Variants in CLIP2 observed in about 807,000 individuals in gnomAD.
CLIP2 encodes CAP-Gly domain-containing linker protein 2.
CLIP2 carries 41 observed loss-of-function variants against 111.7 expected under a neutral mutation model. That is an observed-to-expected ratio of 0.37 (90% CI 0.29 to 0.48). The LOEUF is 0.48. Among genes scored for constraint, CLIP2 ranks in the 20% least tolerant of loss-of-function variants. The pLI is 0.99. For synonymous variants in CLIP2, 660 were observed against 644.2 expected, an observed-to-expected ratio of 1.02 and a Z score of -0.37; for missense variants, 1,160 against 1,422.1, an observed-to-expected ratio of 0.82 and a Z score of 2.96.
At chr7:74,386,633 G>T (rs781819384) in intron 12 of CLIP2, 29 bp downstream of exon 12, 16 of 1,563,308 alleles carry the variant, frequency 1.0e-5, no homozygotes, top group Non-Finnish European at 1.3e-5. Flanking sequence ...GGGCAGATGC[G>T]GGGGGCTTTC....
intron 2 of CLIP2, among the ~76,000 whole-genome samples, chr7:74,332,676 G>C (rs1370828568): frequency 6.6e-6 from 1 of 152,020 alleles, no homozygotes; most frequent in Non-Finnish European, 1.5e-5. Context: ...AACTTTCCTG[G>C]GGCAAGAGGT....
At chr7:74,370,945 C>T (rs188317579) in intron 8 of CLIP2, among the ~76,000 whole-genome samples, 1 of 152,190 alleles carries the variant, frequency 6.6e-6, no homozygotes, top group Non-Finnish European at 1.5e-5. Flanking sequence ...CCCCACCCCC[C>T]AGAATATAAA....
At chr7:74,385,969 C>T (rs1411255342) in intron 11 of CLIP2, among the ~76,000 whole-genome samples, 2 of 151,354 alleles carry the variant, frequency 1.3e-5, no homozygotes, top group Non-Finnish European at 2.9e-5. Flanking sequence ...CTCGAACTCC[C>T]GACCTCAGGT....
intron 1 of CLIP2, among the ~76,000 whole-genome samples, chr7:74,291,387 T>C (rs1788013032): frequency 6.6e-6 from 1 of 152,178 alleles, no homozygotes; most frequent in African/African-American, 2.4e-5. Context: ...AGTAATCGCT[T>C]TCCGGCATCT....
chr7:74,371,219 G>A (rs1554311776), intron 8 of CLIP2, among the ~76,000 whole-genome samples: 1 of 149,264 alleles, frequency 6.7e-6, no homozygotes, highest in Non-Finnish European at 1.5e-5. Flanking sequence ...GCTCCAGCCT[G>A]GGTGAAAGAG....
chr7:74,329,012 A>G (rs557784178), intron 2 of CLIP2, among the ~76,000 whole-genome samples: 53 of 150,126 alleles, frequency 3.5e-4, no homozygotes, highest in African/African-American at 1.3e-3. Context: ...TCCCGGGTTC[A>G]GGCCATTCTC....
At chr7:74,325,614 T>A (rs551908354) in intron 2 of CLIP2, among the ~76,000 whole-genome samples, 1 of 152,104 alleles carries the variant, frequency 6.6e-6, no homozygotes, top group Non-Finnish European at 1.5e-5. Flanking sequence ...GGTGGATCAC[T>A]TGAAGTCAGG....
chr7:74,341,818 C>T lies in CLIP2; in HGVS notation c.678+2814C>T, dbSNP rs143047509. Reference sequence around the variant, plus strand: ...TTCCCCTGGGTGACCTGGTGGTGAGCGTGGCCAGATGTAGTCCCTGCCCTC... The same window carrying T: ...TTCCCCTGGGTGACCTGGTGGTGAGTGTGGCCAGATGTAGTCCCTGCCCTC... On this transcript the variant is annotated intron_variant, in intron 3 of 16. Transcript: ENST00000223398. Among the ~76,000 whole-genome samples, 22 of 152,158 alleles carry T rather than the reference C, an allele frequency of 1.4e-4. No individual in the cohort carries two copies. The East Asian group carries it at 2.9e-3, about 20-fold the overall frequency.
chr7:74,360,797 C>T (rs553074179), intron 7 of CLIP2, among the ~76,000 whole-genome samples: 43 of 152,228 alleles, frequency 2.8e-4, no homozygotes, highest in African/African-American at 9.9e-4. Flanking sequence ...GCTATTCACC[C>T]GCCTCGGCCT....
intron 2 of CLIP2, among the ~76,000 whole-genome samples, chr7:74,334,412 C>G (rs1339704814): frequency 6.6e-6 from 1 of 152,094 alleles, no homozygotes; most frequent in African/African-American, 2.4e-5. Context: ...GAGAGATTAC[C>G]TGAGGGTCCG....
chr7:74,400,772 G>T (rs1213940909), intron 15 of CLIP2, among the ~76,000 whole-genome samples: 2 of 151,458 alleles, frequency 1.3e-5, no homozygotes, highest in African/African-American at 2.4e-5. Context: ...CCAGTCTGAA[G>T]GGGGAGGCAG....
At chr7:74,379,254 G>A (rs1460498726) in intron 10 of CLIP2, among the ~76,000 whole-genome samples, 5 of 151,648 alleles carry the variant, frequency 3.3e-5, no homozygotes, top group East Asian at 1.9e-4. Context: ...ACTTGAACCC[G>A]GGACGTGGAG....
intron 1 of CLIP2, among the ~76,000 whole-genome samples, chr7:74,302,372 C>T (rs529513433): frequency 2.1e-4 from 32 of 152,052 alleles, no homozygotes; most frequent in Admixed American, 7.9e-4. Context: ...CACACCACCA[C>T]GCCCAATTAA....
Position 74,338,454 on chromosome 7 carries a change from C to T in CLIP2, c.128C>T (p.Pro43Leu). The change falls in exon 3 of 17, where the codon CCA becomes CTA. Residue 43 changes from proline (P) to leucine (L), a missense_variant. Pro to Leu is a moderately conservative substitution (Grantham distance 98, BLOSUM62 -3). This residue lies in a region of CLIP2 where 301 missense variants were observed against 315.2 expected (regional missense o/e 0.96). Transcript: ENST00000223398. The surrounding 1 kb of genome is among the most constrained non-coding windows in gnomAD (Gnocchi z 4.3). ...AVAASSKEGS[P>L]LHKQSSGPSS... ...TCCCTCTCCTTCTCTGCAGGCTCCC[C>T]ACTGCACAAACAGTCATCTGGACCC... 6.2e-7 allele frequency: 1 copy of T among 1,612,732 alleles called. No homozygotes were observed. Among genetic ancestry groups the T allele is most frequent in the African/African-American group, 1.3e-5 (1 of 75,038 alleles).
intron 2 of CLIP2, among the ~76,000 whole-genome samples, chr7:74,330,539 G>T (rs2116535739): frequency 6.6e-6 from 1 of 152,116 alleles, no homozygotes; most frequent in African/African-American, 2.4e-5. Flanking sequence ...TTACAGGTGT[G>T]AGCCACCACA....
rs371972930 is a variant in CLIP2 at position 74,353,915 on chromosome 7, G to A, written c.714G>A (p.Val238=). 1.2e-6 allele frequency: 2 copies of A among 1,614,148 alleles called. No individual in the cohort carries two copies. The highest frequency in any genetic ancestry group is 1.6e-4 in the Middle Eastern group (1 of 6,062). Reference sequence around the variant, plus strand: ...CGAAGACTGGCGTGGTGCGGTACGTGGGGGAGACAGACTTTGCCAAGGGCG... The same window carrying A: ...CGAAGACTGGCGTGGTGCGGTACGTAGGGGAGACAGACTTTGCCAAGGGCG... The part of the protein sequence containing the change: ...GGTKTGVVRY[V]GETDFAKGEW... The change falls in exon 4 of 17, where the codon GTG becomes GTA. Residue 238 remains valine, a synonymous_variant. Coordinates refer to ENST00000223398, the MANE Select transcript of CLIP2 (RefSeq NM_003388.5).
intron 12 of CLIP2, among the ~76,000 whole-genome samples, chr7:74,386,891 CAT>C (rs1186131016): frequency 6.6e-6 from 1 of 151,952 alleles, no homozygotes; most frequent in African/African-American, 2.4e-5. Flanking sequence ...GGCATGGTGG[CAT>C]GCACCTGTAA....
chr7:74,394,080 C>G (rs1454100615), intron 13 of CLIP2, among the ~76,000 whole-genome samples: 2 of 152,040 alleles, frequency 1.3e-5, no homozygotes, highest in Non-Finnish European at 2.9e-5. Context: ...GGTCTTTATC[C>G]ATTGTCTCTG....
intron 2 of CLIP2, among the ~76,000 whole-genome samples, chr7:74,332,150 T>G (rs1789305318): frequency 6.6e-6 from 1 of 151,956 alleles, no homozygotes; most frequent in African/African-American, 2.4e-5. Context: ...CTCGGCTCAC[T>G]GCAACCTCCG....
Sources: gnomAD v4.1 joint callset for allele counts (sites outside exome capture counted in the v4.1 genomes callset) on GRCh38, gnomAD v4.1.1 for gene constraint, gnomAD v4.1.1 regional missense constraint, Gnocchi (gnomAD v3.1) non-coding constraint, MANE v1.5 for transcripts, NCBI Gene and HGNC (gene_info 2026-07-23, HGNC 2026-07-21) for gene names.